Variants in ZNF236 observed in about 807,000 individuals in gnomAD.
The protein encoded by ZNF236 is regulated by glucose.
A neutral mutation model predicts 191.2 loss-of-function variants in ZNF236; 50 were observed. The ratio of observed to expected loss-of-function variants is 0.26; its 90% CI spans 0.21 to 0.33. The LOEUF (loss-of-function observed/expected upper bound fraction) is 0.33. Among genes scored for constraint, ZNF236 ranks in the 10% least tolerant of loss-of-function variants. The pLI is 1.00. For missense variants in ZNF236, 1,754 were observed against 2,374.5 expected (o/e 0.74, Z 5.43); for synonymous variants, 907 against 928.8 (o/e 0.98, Z 0.43).
Position 76,831,164 on chromosome 18 carries a change from G to A in ZNF236, c.55+8502G>A, listed in dbSNP as rs114825025. On this transcript the variant is annotated intron_variant, in intron 1 of 30. Transcript: ENST00000320610. ...GGGTTTGGACAAATGCATATTTGCC[G>A]TATAGTGTCATACAGAATAGTTTCA... 4.6e-3 allele frequency among the ~76,000 whole-genome samples: 695 copies of A among 152,246 alleles called. 9 individuals carry two copies. The highest frequency in any genetic ancestry group is 0.016 in the African/African-American group (658 of 41,526).
chr18:76,845,559 A>T (rs1975648265), intron 1 of ZNF236, among the ~76,000 whole-genome samples: 1 of 152,136 alleles, frequency 6.6e-6, no homozygotes, highest in Non-Finnish European at 1.5e-5. Flanking sequence ...TTTAAAAAAA[A>T]TGCAGCTGGG....
chr18:76,941,584 C>G lies in ZNF236; in HGVS notation c.4782+4241C>G, dbSNP rs545518895. 3.3e-5 allele frequency among the ~76,000 whole-genome samples: 5 copies of G among 152,322 alleles called. 1 individual carries two copies. The highest frequency in any genetic ancestry group is 9.6e-5 in the African/African-American group (4 of 41,568). ...TGCCATTAGCGCTTCCCTGCTGCCCCCCTCAGCCCTTCCACTCTGGCCTGC... is the reference window on the plus strand; with the variant it reads ...TGCCATTAGCGCTTCCCTGCTGCCCGCCTCAGCCCTTCCACTCTGGCCTGC... On this transcript the variant is annotated intron_variant, in intron 26 of 30. Transcript: ENST00000320610.
At chr18:76,921,676 G>A (rs1351602148) in intron 20 of ZNF236, among the ~76,000 whole-genome samples, 1 of 150,602 alleles carries the variant, frequency 6.6e-6, no homozygotes, top group East Asian at 2.0e-4. Flanking sequence ...CTACCAAGGC[G>A]ACATAAAGTG....
chr18:76,899,895 G>A (rs1268397877), intron 11 of ZNF236, among the ~76,000 whole-genome samples: 1 of 152,140 alleles, frequency 6.6e-6, no homozygotes, highest in African/African-American at 2.4e-5. Flanking sequence ...TCTAGAGGCT[G>A]GGAAGTCCAA....
rs75502349 is a variant in ZNF236 at position 76,823,982 on chromosome 18, G to A, written c.55+1320G>A. Among the ~76,000 whole-genome samples the A allele has an allele frequency of 4.9e-3, 742 of 152,306 alleles. 6 individuals are homozygous for A. The highest frequency in any genetic ancestry group is 0.017 in the African/African-American group (709 of 41,574). ...AGGGTTTTGAAGGGGGTTCTAAGGG[G>A]GAGTGGGCGCCTAGGACTCCCTATG... On this transcript the variant is annotated intron_variant, in intron 1 of 30. Transcript: ENST00000320610.
rs1178145281 is a variant in ZNF236, at chr18:76,960,458, T to G, written c.5243-221T>G. 6.6e-6 allele frequency among the ~76,000 whole-genome samples: 1 copy of G among 152,072 alleles called. No homozygotes were observed. The highest frequency in any genetic ancestry group is 2.4e-5 in the African/African-American group (1 of 41,426). On this transcript the variant is annotated intron_variant, in intron 29 of 30. Coordinates refer to ENST00000320610, the MANE Select transcript of ZNF236 (RefSeq NM_001306089.2). This position sits in a 1 kb window ranked among gnomAD's most constrained non-coding sequence, Gnocchi z 4.4. ...GCATCCACCGTGGCCCTTCCATGGC[T>G]CTCTGATCCCTCCGCCCCATCTGCT... is the stretch of plus-strand genomic sequence containing the variant.
In ZNF236 at chr18:76,904,406, C is replaced by G. The variant is rs778869893; in HGVS notation, c.1921C>G (p.Gln641Glu). The G allele has an allele frequency of 2.5e-6, 4 of 1,607,928 alleles. No homozygotes were observed. In the Admixed American group the frequency reaches 6.8e-5, roughly 27 times the overall value. ...TCTCATCCAGCCCATTCCAAAAAACCAGTTTTTCCAAAGCTATTTCAATAA... is the reference window on the plus strand; with the variant it reads ...TCTCATCCAGCCCATTCCAAAAAACGAGTTTTTCCAAAGCTATTTCAATAA... The part of the protein sequence containing the change: ...LGLIQPIPKN[Q>E]FFQSYFNNNF... The change falls in exon 12 of 31, where the codon CAG becomes GAG. Residue 641 changes from glutamine to glutamate, a missense_variant. Physicochemically the swap from Gln to Glu is conservative, Grantham distance 29 (BLOSUM62 2). Transcript: ENST00000320610.
intron 28 of ZNF236, among the ~76,000 whole-genome samples, chr18:76,958,532 CTGCTGTA>C (rs1968580585): frequency 6.6e-6 from 1 of 152,242 alleles, no homozygotes; most frequent in African/African-American, 2.4e-5. Context: ...CAGTGAGTGC[CTGCTGTA>C]TGCACAGAAG....
intron 9 of ZNF236, among the ~76,000 whole-genome samples, chr18:76,894,192 TATTA>T (rs1331620649): frequency 1.3e-5 from 2 of 152,232 alleles, no homozygotes; most frequent in Non-Finnish European, 2.9e-5. Context: ...TTCCCAAAAA[TATTA>T]AATGGAAAAT....
At chr18:76,846,027 A>T (rs1328090170) in intron 1 of ZNF236, among the ~76,000 whole-genome samples, 1 of 152,222 alleles carries the variant, frequency 6.6e-6, no homozygotes, top group East Asian at 1.9e-4. Flanking sequence ...AGGTGTGGGT[A>T]TGCTGTTCCA....
chr18:76,891,857 G>A lies in ZNF236; in HGVS notation c.1418-3156G>A, dbSNP rs139917715. ...CTGGACTGTTCTACTCCTCTAATCT[G>A]TCTTTTTATTCAAGTGTTCTGAGTG... On this transcript the variant is annotated intron_variant, in intron 9 of 30. Transcript: ENST00000320610. 9.9e-5 allele frequency among the ~76,000 whole-genome samples: 15 copies of A among 152,024 alleles called. No individual in the cohort carries two copies. In the East Asian group the frequency reaches 1.5e-3, roughly 16 times the overall value.
At chr18:76,891,703 T>A (rs1281090574) in intron 9 of ZNF236, among the ~76,000 whole-genome samples, 1 of 152,114 alleles carries the variant, frequency 6.6e-6, no homozygotes, top group Non-Finnish European at 1.5e-5. Flanking sequence ...AAACTAAATC[T>A]TTGATTTAAT....
At chr18:76,822,948 C>T (rs1035329591) in intron 1 of ZNF236, among the ~76,000 whole-genome samples, 8 of 148,330 alleles carry the variant, frequency 5.4e-5, no homozygotes, top group Admixed American at 3.3e-4. Context: ...AGGCGGCCGC[C>T]TCCTGCGCGC....
chr18:76,881,190 A>G, intron 8 of ZNF236, 94 bp from the exon 9 acceptor site: 1 of 1,066,468 alleles, frequency 9.4e-7, no homozygotes, highest in South Asian at 1.6e-5. Context: ...CTTGGAGTGG[A>G]ATTAGAATTC....
intron 11 of ZNF236, among the ~76,000 whole-genome samples, chr18:76,900,990 G>A (rs983938825): frequency 1.3e-5 from 2 of 152,104 alleles, no homozygotes; most frequent in African/African-American, 4.8e-5. Context: ...TGCACAATAG[G>A]GTTCGCACTC....
intron 30 of ZNF236, among the ~76,000 whole-genome samples, chr18:76,964,378 C>T (rs1308840643): frequency 1.3e-5 from 2 of 152,074 alleles, no homozygotes; most frequent in Non-Finnish European, 1.5e-5. Flanking sequence ...TTTGAAGGTT[C>T]CTTTTGGAAT....
At chr18:76,908,748 T>TTCAATTTAAA (rs1215788575) in intron 14 of ZNF236, among the ~76,000 whole-genome samples, 175 bp downstream of exon 14, 2 of 152,258 alleles carry the variant, frequency 1.3e-5, no homozygotes, top group Admixed American at 1.3e-4. Flanking sequence ...AAATTAGATT[T>TTCAATTTAAA]TTACTTTTCA....
intron 9 of ZNF236, among the ~76,000 whole-genome samples, chr18:76,892,750 A>G (rs1977286839): frequency 6.6e-6 from 1 of 152,178 alleles, no homozygotes; most frequent in Non-Finnish European, 1.5e-5. Context: ...TATTTTTAGT[A>G]GAGACGGGGT....
chr18:76,891,030 G>A (rs1977215076), intron 9 of ZNF236, among the ~76,000 whole-genome samples: 1 of 152,118 alleles, frequency 6.6e-6, no homozygotes, highest in East Asian at 1.9e-4. Flanking sequence ...AGATTATAGT[G>A]TATAATACAT....
Sources: gnomAD v4.1 joint callset for allele counts (sites outside exome capture counted in the v4.1 genomes callset) on GRCh38, gnomAD v4.1.1 for gene constraint, Gnocchi (gnomAD v3.1) non-coding constraint, MANE v1.5 for transcripts, NCBI Gene and HGNC (gene_info 2026-07-23, HGNC 2026-07-21) for gene names.